PATE4: variants seen among roughly 807,000 people sequenced by gnomAD.
PATE4 encodes prostate and testis expressed 4.
A neutral mutation model predicts 8.5 loss-of-function variants in PATE4; 13 were observed. The ratio of observed to expected loss-of-function variants is 1.53; its 90% CI spans 1.00 to 2.43. The LOEUF (loss-of-function observed/expected upper bound fraction) is 2.43. PATE4 is among the 30% of genes most tolerant of loss of function. PATE4 has a pLI of 0.00. For synonymous variants in PATE4, 47 were observed against 39.3 expected (o/e 1.20, Z -0.73); for missense variants, 127 against 115.5 (o/e 1.10, Z -0.46).
intron 1 of PATE4, among the ~76,000 whole-genome samples, chr11:125,836,528 G>A (rs999292410): frequency 6.6e-6 from 1 of 152,078 alleles, no homozygotes; most frequent in African/African-American, 2.4e-5. Flanking sequence ...CCCTCTGCCT[G>A]AAATGTTCTT....
In PATE4 at chr11:125,839,201, A is replaced by G. The variant is rs1403899948; in HGVS notation, c.*774A>G. Reference sequence around the variant, plus strand: ...ATTATAGCAGCAATGGGAAACTAATACAATCCAAATAAACTTCTAGGAATT... The same window carrying G: ...ATTATAGCAGCAATGGGAAACTAATGCAATCCAAATAAACTTCTAGGAATT... On this transcript the variant is annotated 3_prime_UTR_variant, in exon 3 of 3. Coordinates refer to ENST00000457514, the MANE Select transcript of PATE4 (RefSeq NM_001144874.1). The G allele has an allele frequency of 6.6e-6, 1 of 152,260 alleles. No individual in the cohort carries two copies. Among genetic ancestry groups the G allele is most frequent in the Non-Finnish European group, 1.5e-5 (1 of 68,054 alleles). 9.4% of individuals were successfully genotyped at this position (152,260 alleles called of 1,614,324 possible). A position where few individuals can be genotyped will look rare whatever the true frequency, so the allele number is the denominator to read the frequency against.
At position 125,839,328 on chromosome 11, in the gene PATE4, G is replaced by C. The variant is rs1477587714; in HGVS notation, c.*901G>C. 1 of 152,182 alleles carries C rather than the reference G, an allele frequency of 6.6e-6. No homozygotes were observed. The highest frequency in any genetic ancestry group is 2.4e-5 in the African/African-American group (1 of 41,432). The allele number at this position is 152,182 out of a possible 1,614,324, so 9.4% of individuals were successfully genotyped here. A position where few individuals can be genotyped will look rare whatever the true frequency, so the allele number is the denominator to read the frequency against. On this transcript the variant is annotated 3_prime_UTR_variant, in exon 3 of 3. Coordinates refer to ENST00000457514, the MANE Select transcript of PATE4 (RefSeq NM_001144874.1). ...CCTGCAGGAAGAGAGGAATAACAGA[G>C]CACATGCTATGAATAAATGTGGAGA...
chr11:125,833,553 A>T (rs916543965), intron 1 of PATE4, 136 bp downstream of exon 1: 6 of 760,834 alleles, frequency 7.9e-6, no homozygotes. Context: ...GATGTCAGAG[A>T]GATCATATAT....
intron 1 of PATE4, among the ~76,000 whole-genome samples, chr11:125,833,788 A>T (rs547055589): frequency 6.6e-6 from 1 of 152,148 alleles, no homozygotes; most frequent in Non-Finnish European, 1.5e-5. Flanking sequence ...ATCATTAAAC[A>T]CTGGGATACC....
chr11:125,836,490 A>G (rs79007037), intron 1 of PATE4, among the ~76,000 whole-genome samples: 2 of 152,248 alleles, frequency 1.3e-5, no homozygotes, highest in African/African-American at 4.8e-5. Context: ...TTTGTCCCTC[A>G]GCAGACAAGC....
chr11:125,839,568 C>A lies in PATE4; in HGVS notation c.*1141C>A, dbSNP rs1943945598. On this transcript the variant is annotated 3_prime_UTR_variant, in exon 3 of 3. Transcript: ENST00000457514. The stretch of plus-strand genomic sequence containing the variant: ...TTTCATGCTGCTGATAAGGACATAC[C>A]CACGACTGGGCAATTTACGAAAGAA... 6.6e-6 allele frequency: 1 copy of A among 152,388 alleles called. No individual in the cohort carries two copies. Among genetic ancestry groups the A allele is most frequent in the Non-Finnish European group, 1.5e-5 (1 of 68,280 alleles). The allele number at this position is 152,388 out of a possible 1,614,324, so 9.4% of individuals were successfully genotyped here. A position where few individuals can be genotyped will look rare whatever the true frequency, so the allele number is the denominator to read the frequency against.
At chr11:125,835,844 A>G (rs1470206371) in intron 1 of PATE4, 1 of 152,194 alleles carries the variant, frequency 6.6e-6, no homozygotes, top group Non-Finnish European at 1.5e-5. Context: ...ACTATCACTC[A>G]TAAGCCAGAG....
rs1943937548 is a variant in PATE4 at position 125,838,552 on chromosome 11, G to T, written c.*125G>T. 1 of 1,210,546 alleles carries T rather than the reference G, an allele frequency of 8.3e-7. No individual in the cohort carries two copies. Among genetic ancestry groups the T allele is most frequent in the Non-Finnish European group, 1.1e-6 (1 of 911,326 alleles). The allele number at this position is 1,210,546 out of a possible 1,614,324, so 75.0% of individuals were successfully genotyped here. ...CTAAGATCCCAGAGAGAGCTGCAGG[G>T]GCTGTCCTCATTGCAATGAAGGGGC... On this transcript the variant is annotated 3_prime_UTR_variant, in exon 3 of 3. Transcript: ENST00000457514.
rs1015735872 is a variant in PATE4 at position 125,839,471 on chromosome 11, T to C, written c.*1044T>C. 6.6e-6 allele frequency: 1 copy of C among 152,274 alleles called. No individual in the cohort carries two copies. The highest frequency in any genetic ancestry group is 2.4e-5 in the African/African-American group (1 of 41,468). The allele number at this position is 152,274 out of a possible 1,614,324, so 9.4% of individuals were successfully genotyped here. A position where few individuals can be genotyped will look rare whatever the true frequency, so the allele number is the denominator to read the frequency against. ...CAAACATGATGTCCTAATAGCTCAA[T>C]TTATCAGTTCCTCATTAGCTTGTGT... On this transcript the variant is annotated 3_prime_UTR_variant, in exon 3 of 3. Coordinates refer to ENST00000457514, the MANE Select transcript of PATE4 (RefSeq NM_001144874.1).
At chr11:125,833,507 C>A in intron 1 of PATE4, 90 bp downstream of exon 1, 1 of 1,229,352 alleles carries the variant, frequency 8.1e-7, no homozygotes, top group Non-Finnish European at 1.2e-6. Context: ...CATGCTCCAG[C>A]TGAGACCCAA....
intron 1 of PATE4, chr11:125,834,941 CT>C (rs1254454646): frequency 6.6e-6 from 1 of 152,112 alleles, no homozygotes; most frequent in East Asian, 1.9e-4. Flanking sequence ...CTTGAATATA[CT>C]GAAAATCAAT....
chr11:125,837,655 G>T (rs1225927004), intron 1 of PATE4, among the ~76,000 whole-genome samples: 1 of 152,146 alleles, frequency 6.6e-6, no homozygotes, highest in Admixed American at 6.5e-5. Context: ...AAATATAAAT[G>T]GACCCTATTC....
intron 1 of PATE4, chr11:125,836,007 G>A (rs1208127957): frequency 1.3e-5 from 2 of 152,146 alleles, no homozygotes; most frequent in Non-Finnish European, 2.9e-5. Flanking sequence ...CAGGGAGAGC[G>A]GGTTGTTGGT....
intron 1 of PATE4, among the ~76,000 whole-genome samples, chr11:125,836,079 T>C (rs997385048): frequency 6.6e-6 from 1 of 151,970 alleles, no homozygotes; most frequent in Non-Finnish European, 1.5e-5. Context: ...AATGCATAAA[T>C]TACTGAACCC....
Position 125,838,694 on chromosome 11 carries a change from T to C in PATE4, c.*267T>C. The C allele has an allele frequency of 2.8e-6, 1 of 353,878 alleles. No individual in the cohort carries two copies. The highest frequency in any genetic ancestry group is 5.1e-6 in the Non-Finnish European group (1 of 197,886). The allele number at this position is 353,878 out of a possible 1,614,324, so 21.9% of individuals were successfully genotyped here. A position where few individuals can be genotyped will look rare whatever the true frequency, so the allele number is the denominator to read the frequency against. On this transcript the variant is annotated 3_prime_UTR_variant, in exon 3 of 3. Coordinates refer to ENST00000457514, the MANE Select transcript of PATE4 (RefSeq NM_001144874.1). Reference sequence around the variant, plus strand: ...CTCCTGATTTCTGATTTCTATCCCTTGTAGGCTAAATAATGGACCCCCAAA... The same window carrying C: ...CTCCTGATTTCTGATTTCTATCCCTCGTAGGCTAAATAATGGACCCCCAAA...
chr11:125,834,399 A>T (rs1312936932), intron 1 of PATE4, among the ~76,000 whole-genome samples: 4 of 152,216 alleles, frequency 2.6e-5, no homozygotes, highest in Non-Finnish European at 5.9e-5. Context: ...GTTCACACAA[A>T]AGAAAATGAA....
chr11:125,833,679 T>G (rs563506955), intron 1 of PATE4, among the ~76,000 whole-genome samples: 2 of 152,216 alleles, frequency 1.3e-5, no homozygotes, highest in Non-Finnish European at 2.9e-5. Flanking sequence ...CCTTTCTTTC[T>G]TAATATACTT....
At position 125,838,672 on chromosome 11, in the gene PATE4, C is replaced by T; in HGVS notation, c.*245C>T. The T allele has an allele frequency of 2.6e-6, 1 of 390,122 alleles. No homozygotes were observed. The highest frequency in any genetic ancestry group is 4.5e-6 in the Non-Finnish European group (1 of 220,568). 24.2% of individuals were successfully genotyped at this position (390,122 alleles called of 1,614,324 possible). A position where few individuals can be genotyped will look rare whatever the true frequency, so the allele number is the denominator to read the frequency against. On this transcript the variant is annotated 3_prime_UTR_variant, in exon 3 of 3. Transcript: ENST00000457514. ...ATGCTTATTCTTTTGTCTTCTACTC[C>T]TGATTTCTGATTTCTATCCCTTGTA...
chr11:125,837,223 C>T (rs1943926765), intron 1 of PATE4, among the ~76,000 whole-genome samples: 1 of 152,174 alleles, frequency 6.6e-6, no homozygotes, highest in South Asian at 2.1e-4. Flanking sequence ...TCTCCCTACC[C>T]TAAATCTCCT....
Sources: gnomAD v4.1 joint callset for allele counts (sites outside exome capture counted in the v4.1 genomes callset) on GRCh38, gnomAD v4.1.1 for gene constraint, MANE v1.5 for transcripts, NCBI Gene and HGNC (gene_info 2026-07-23, HGNC 2026-07-21) for gene names.